ADAMTSL1: variants seen among roughly 807,000 people sequenced by gnomAD.
ADAMTSL1 encodes ADAMTS-like protein 1.
In ADAMTSL1, 126 loss-of-function variants were observed where a neutral mutation model predicts 201.8. The ratio of observed to expected loss-of-function variants is 0.62; its 90% CI spans 0.54 to 0.72. The LOEUF (loss-of-function observed/expected upper bound fraction) is 0.72. Ranked by LOEUF, ADAMTSL1 falls within the 30% of genes least tolerant of loss-of-function variation. The probability of loss-of-function intolerance (pLI) is 0.00; values close to 1 mark genes in which losing one functional copy is unlikely to be tolerated. For synonymous variants in ADAMTSL1, 1,121 were observed against 903.4 expected, an observed-to-expected ratio of 1.24 and a Z score of -4.32; for missense variants, 2,679 against 2,277.8, an observed-to-expected ratio of 1.18 and a Z score of -3.59.
intron 4 of ADAMTSL1, among the ~76,000 whole-genome samples, chr9:18,587,085 A>G (rs556526788): frequency 6.6e-6 from 1 of 152,224 alleles, no homozygotes; most frequent in Non-Finnish European, 1.5e-5. Context: ...CAACAAAAGC[A>G]AACATTGACA....
chr9:18,771,467 C>T (rs565807069), intron 17 of ADAMTSL1, among the ~76,000 whole-genome samples: 1 of 152,314 alleles, frequency 6.6e-6, no homozygotes, highest in Admixed American at 6.5e-5. Context: ...AATTCATTTA[C>T]ACCTAGCTTC....
At chr9:18,087,776 C>A (rs1431439349) in intron 1 of ADAMTSL1, among the ~76,000 whole-genome samples, 3 of 152,006 alleles carry the variant, frequency 2.0e-5, no homozygotes, top group Non-Finnish European at 4.4e-5. Flanking sequence ...AGAAACTAAG[C>A]AATTTGTATC....
intron 9 of ADAMTSL1, among the ~76,000 whole-genome samples, chr9:18,665,015 A>G (rs1011331826): frequency 4.6e-5 from 7 of 152,118 alleles, no homozygotes; most frequent in Non-Finnish European, 8.8e-5. Context: ...AAAAATTATC[A>G]CAATTTTAAG....
chr9:18,202,230 A>G (rs1829479164), intron 2 of ADAMTSL1, among the ~76,000 whole-genome samples: 1 of 152,196 alleles, frequency 6.6e-6, no homozygotes, highest in Non-Finnish European at 1.5e-5. Context: ...CCAACATATT[A>G]AAGCTGTGTG....
intron 23 of ADAMTSL1, among the ~76,000 whole-genome samples, chr9:18,860,504 C>A (rs1210740907): frequency 6.8e-5 from 9 of 131,758 alleles, no homozygotes; most frequent in African/African-American, 3.3e-4. Flanking sequence ...CACTATCTGG[C>A]CCTTAAAAAA....
intron 2 of ADAMTSL1, among the ~76,000 whole-genome samples, chr9:18,337,468 T>C (rs1313840599): frequency 6.6e-6 from 1 of 152,182 alleles, no homozygotes; most frequent in Admixed American, 6.5e-5. Flanking sequence ...ATTAGTCCTG[T>C]CCTTCTAGAG....
chr9:18,009,166 C>G (rs888465460), intron 1 of ADAMTSL1, among the ~76,000 whole-genome samples: 6 of 152,018 alleles, frequency 3.9e-5, no homozygotes, highest in African/African-American at 1.2e-4. Flanking sequence ...ATTCCTTTCT[C>G]TTTCTCCTCC....
chr9:18,535,271 G>T (rs973406204), intron 3 of ADAMTSL1, among the ~76,000 whole-genome samples: 1 of 152,204 alleles, frequency 6.6e-6, no homozygotes, highest in African/African-American at 2.4e-5. Context: ...GCATAAACAA[G>T]AGTCACCTTT....
intron 14 of ADAMTSL1, 109 bp from the exon 15 acceptor site, chr9:18,721,427 A>T: frequency 7.0e-7 from 1 of 1,436,858 alleles, no homozygotes; most frequent in Non-Finnish European, 9.4e-7. Flanking sequence ...ATACAGCGAG[A>T]GTCCTACAGA....
At position 18,709,809 on chromosome 9, in the gene ADAMTSL1, C is replaced by T. The variant is rs561343276; in HGVS notation, c.1876+2761C>T. The stretch of plus-strand genomic sequence containing the variant: ...TATTGAACTCCTAGACAGTAAAATC[C>T]ACGTTAAAATCTAGCTGGGGGAATA... On this transcript the variant is annotated intron_variant, in intron 14 of 28. Transcript: ENST00000380548. 2.6e-5 allele frequency among the ~76,000 whole-genome samples: 4 copies of T among 152,210 alleles called. No homozygotes were observed. In the South Asian group the frequency reaches 8.3e-4, roughly 32 times the overall value.
chr9:18,754,803 G>A (rs1289972964), intron 16 of ADAMTSL1, among the ~76,000 whole-genome samples: 1 of 152,138 alleles, frequency 6.6e-6, no homozygotes, highest in African/African-American at 2.4e-5. Flanking sequence ...TTCTTTTAGA[G>A]CTTAAATGTA....
chr9:17,948,565 A>G (rs775125292), intron 1 of ADAMTSL1, among the ~76,000 whole-genome samples: 3 of 152,196 alleles, frequency 2.0e-5, no homozygotes, highest in Non-Finnish European at 2.9e-5. Context: ...GTCAAGATAG[A>G]AAAGTATCTA....
At chr9:18,512,940 T>C (rs1818121418) in intron 2 of ADAMTSL1, among the ~76,000 whole-genome samples, 1 of 152,198 alleles carries the variant, frequency 6.6e-6, no homozygotes, top group Admixed American at 6.5e-5. Flanking sequence ...GGAAGAAAAC[T>C]ATGTGATATT....
intron 2 of ADAMTSL1, among the ~76,000 whole-genome samples, chr9:18,518,236 A>G (rs1818480436): frequency 6.6e-6 from 1 of 152,132 alleles, no homozygotes; most frequent in Non-Finnish European, 1.5e-5. Flanking sequence ...GGCTTCCAGT[A>G]TACCCATCAC....
chr9:18,410,025 T>A (rs1818367759), intron 2 of ADAMTSL1, among the ~76,000 whole-genome samples: 1 of 151,882 alleles, frequency 6.6e-6, no homozygotes, highest in East Asian at 1.9e-4. Context: ...ACTTTTAATA[T>A]TTTAATATTG....
At chr9:18,900,682 C>G (rs1296993020) in intron 26 of ADAMTSL1, among the ~76,000 whole-genome samples, 1 of 148,240 alleles carries the variant, frequency 6.7e-6, no homozygotes, top group Admixed American at 6.9e-5. Flanking sequence ...AACAGAAAAC[C>G]AAACACCGTA....
intron 1 of ADAMTSL1, among the ~76,000 whole-genome samples, chr9:18,022,919 G>A (rs192242632): frequency 6.6e-6 from 1 of 152,176 alleles, no homozygotes; most frequent in Non-Finnish European, 1.5e-5. Context: ...AAGATCACCA[G>A]CTCACTGGCC....
intron 8 of ADAMTSL1, among the ~76,000 whole-genome samples, chr9:18,660,605 A>G (rs1829024074): frequency 6.6e-6 from 1 of 152,220 alleles, no homozygotes; most frequent in Non-Finnish European, 1.5e-5. Flanking sequence ...ATTATCTGGA[A>G]AATTATAAAA....
At chr9:18,464,174 C>T (rs1820914222) in intron 2 of ADAMTSL1, among the ~76,000 whole-genome samples, 1 of 152,202 alleles carries the variant, frequency 6.6e-6, no homozygotes, top group Non-Finnish European at 1.5e-5. Context: ...AGCATGCCCT[C>T]ATCATCCCAA....
Sources: gnomAD v4.1 joint callset for allele counts (sites outside exome capture counted in the v4.1 genomes callset) on GRCh38, gnomAD v4.1.1 for gene constraint, MANE v1.5 for transcripts, NCBI Gene and HGNC (gene_info 2026-07-23, HGNC 2026-07-21) for gene names.